POLN: variants seen among roughly 807,000 people sequenced by gnomAD.
POLN encodes the protein DNA polymerase N.
In POLN, 108 loss-of-function variants were observed where a neutral mutation model predicts 113.5. That is an observed-to-expected ratio of 0.95 (90% confidence interval 0.81 to 1.12). POLN has a LOEUF of 1.12. Ranked by LOEUF, POLN falls within the 50% of genes most tolerant of loss-of-function variation. The pLI, the probability that POLN is intolerant of heterozygous loss-of-function variation, is 0.00. For synonymous variants in POLN, 386 were observed against 391.5 expected (o/e 0.99, Z 0.17); for missense variants, 1,097 against 1,077.1 (o/e 1.02, Z -0.26).
chr4:2,112,713 A>G (rs1040266817), intron 19 of POLN, among the ~76,000 whole-genome samples: 4 of 152,178 alleles, frequency 2.6e-5, no homozygotes, highest in South Asian at 2.1e-4. Flanking sequence ...TTAGAATGGC[A>G]ATCATTAAAA....
At chr4:2,144,374 A>G (rs1243653026) in intron 16 of POLN, among the ~76,000 whole-genome samples, 1 of 151,718 alleles carries the variant, frequency 6.6e-6, no homozygotes, top group Non-Finnish European at 1.5e-5. Flanking sequence ...TGAACTCCTG[A>G]CCTTGTGATC....
At chr4:2,228,020 CT>C (rs1734443197) in intron 3 of POLN, 1 of 152,176 alleles carries the variant, frequency 6.6e-6, no homozygotes. Context: ...CAACAGATGC[CT>C]CAATATGAAT....
intron 20 of POLN, among the ~76,000 whole-genome samples, chr4:2,091,015 C>A (rs1235903231): frequency 6.6e-6 from 1 of 152,214 alleles, no homozygotes; most frequent in Non-Finnish European, 1.5e-5. Flanking sequence ...TCTGTCCCCA[C>A]AGCATCAACT....
At chr4:2,074,851 G>T (rs1730238154) in intron 24 of POLN, among the ~76,000 whole-genome samples, 3 of 152,142 alleles carry the variant, frequency 2.0e-5, no homozygotes. Context: ...CAGTGGCTGG[G>T]TGCTGTGGGG....
intron 19 of POLN, among the ~76,000 whole-genome samples, chr4:2,113,859 AAAT>A (rs150255371): frequency 0.2 from 28,325 of 139,816 alleles, 2,896 homozygotes; most frequent in Middle Eastern, 0.21. Flanking sequence ...CTCCATTTCA[AAAT>A]AATAATAATA....
intron 3 of POLN, among the ~76,000 whole-genome samples, chr4:2,223,458 C>A (rs1489245317): frequency 1.3e-5 from 2 of 152,208 alleles, no homozygotes; most frequent in Admixed American, 1.3e-4. Context: ...TTATGAGAAT[C>A]TACCGCCTGA....
chr4:2,184,106 C>T (rs951348720), intron 7 of POLN, among the ~76,000 whole-genome samples: 17 of 150,918 alleles, frequency 1.1e-4, no homozygotes, highest in African/African-American at 3.9e-4. Flanking sequence ...CACTCGTCTC[C>T]GCCTCCCAAA....
At chr4:2,220,414 A>T (rs1255552378) in intron 3 of POLN, among the ~76,000 whole-genome samples, 1 of 152,098 alleles carries the variant, frequency 6.6e-6, no homozygotes, top group Non-Finnish European at 1.5e-5. Context: ...TTTCACAAGC[A>T]CCCCTACCAA....
chr4:2,130,281 AGAGGGGAGGAGAGGGGAGGG>A (rs947790840), intron 17 of POLN, among the ~76,000 whole-genome samples: 2 of 81,096 alleles, frequency 2.5e-5, no homozygotes, highest in Non-Finnish European at 4.8e-5. Flanking sequence ...AGAGGGGAGG[AGAGGGGAGGAGAGGGGAGGG>A]GAGGGGAGGG....
chr4:2,229,247 A>C lies in POLN; in HGVS notation c.-12-4T>G. ...AATTTTCCATTTTCACAAAATCCTA[A>C]ATGTAAGATTAACATAAGATAAATC... On this transcript the variant is annotated splice_polypyrimidine_tract_variant and splice_region_variant and intron_variant, in intron 2 of 25. Coordinates refer to ENST00000511885, the MANE Select transcript of POLN (RefSeq NM_181808.4). 6.3e-7 allele frequency: 1 copy of C among 1,582,382 alleles called. No individual in the cohort carries two copies. Among genetic ancestry groups the C allele is most frequent in the Non-Finnish European group, 8.6e-7 (1 of 1,162,572 alleles).
At chr4:2,238,658 G>A (rs749753405) in intron 2 of POLN, 2 of 1,612,526 alleles carry the variant, frequency 1.2e-6, no homozygotes, top group South Asian at 1.1e-5. Context: ...TATCTGTTGA[G>A]AAACTGATGG....
At chr4:2,128,375 AGT>A (rs1731637736) in intron 18 of POLN, 148 bp from the exon 19 acceptor site, 1 of 598,324 alleles carries the variant, frequency 1.7e-6, no homozygotes, top group Non-Finnish European at 3.0e-6. Flanking sequence ...CTCTGACCTC[AGT>A]GTCAGGAGGT....
intron 16 of POLN, among the ~76,000 whole-genome samples, chr4:2,148,205 T>C (rs1002779722): frequency 2.0e-5 from 3 of 152,070 alleles, no homozygotes; most frequent in Non-Finnish European, 2.9e-5. Context: ...CTAGACAATA[T>C]AGTAATAGAA....
At chr4:2,171,295 G>A (rs1485339979) in intron 11 of POLN, 114 bp from the exon 12 acceptor site, 2 of 854,438 alleles carry the variant, frequency 2.3e-6, no homozygotes, top group Non-Finnish European at 3.6e-6. Flanking sequence ...GCTTATGCCT[G>A]TGATACCAGC....
intron 6 of POLN, among the ~76,000 whole-genome samples, chr4:2,194,209 C>G (rs1324440342): frequency 6.6e-6 from 1 of 152,174 alleles, no homozygotes; most frequent in African/African-American, 2.4e-5. Context: ...GGATCTGAGA[C>G]CATATCTTCC....
intron 13 of POLN, among the ~76,000 whole-genome samples, chr4:2,165,588 A>T (rs1732708988): frequency 6.6e-6 from 1 of 152,088 alleles, no homozygotes; most frequent in African/African-American, 2.4e-5. Context: ...TATATTGTGT[A>T]ACTACGGACT....
rs574187948 is a variant in POLN at position 2,186,248 on chromosome 4, A to T, written c.1022-6783T>A. ...CTGGCAGGAGACCCGTCCCTGCCAC[A>T]ATCCACAGGAAGCATCATGAGTGTC... On this transcript the variant is annotated intron_variant, in intron 7 of 25. Transcript: ENST00000511885. Among the ~76,000 whole-genome samples, 13 of 152,296 alleles carry T rather than the reference A, an allele frequency of 8.5e-5. 1 individual carries two copies. In the South Asian group the frequency reaches 2.5e-3, roughly 29 times the overall value.
intron 21 of POLN, among the ~76,000 whole-genome samples, chr4:2,082,351 G>A (rs1186785684): frequency 6.6e-6 from 1 of 152,190 alleles, no homozygotes; most frequent in Non-Finnish European, 1.5e-5. Context: ...GCCATGTGGA[G>A]GCCTTGGGCC....
chr4:2,229,221 T>C lies in POLN; in HGVS notation c.11A>G (p.Tyr4Cys). 3.1e-6 allele frequency: 5 copies of C among 1,597,906 alleles called. No homozygotes were observed. Among genetic ancestry groups the C allele is most frequent in the Non-Finnish European group, 4.3e-6 (5 of 1,173,462 alleles). MEN[Y>C]EALVGFDLCN... is the part of the protein sequence containing the mutation. ...GAGATCAAAGCCTACCAATGCCTCA[T>C]AATTTTCCATTTTCACAAAATCCTA... Residue 4 changes from tyrosine to cysteine, a missense_variant, in exon 3 of 26, where the codon TAT (tyrosine) becomes TGT (cysteine). Transcript: ENST00000511885.
Sources: allele counts gnomAD v4.1 joint callset (sites outside exome capture counted in the v4.1 genomes callset), GRCh38; gene constraint gnomAD v4.1.1; transcripts MANE v1.5; gene names NCBI Gene and HGNC (gene_info 2026-07-23, HGNC 2026-07-21).